Variants in ETV1 observed in about 807,000 individuals in gnomAD.
The protein encoded by ETV1 is ETS variant transcription factor 1.
Under a neutral mutation model 62.3 loss-of-function variants are expected in ETV1, and 27 were observed. That is an observed-to-expected ratio of 0.43 (90% CI 0.32 to 0.60). The LOEUF is 0.60. Ranked by LOEUF, ETV1 falls within the 20% of genes least tolerant of loss-of-function variation. The pLI is 0.06. For synonymous variants in ETV1, 222 were observed against 199.6 expected, an observed-to-expected ratio of 1.11 and a Z score of -0.94; for missense variants, 605 against 605.8, an observed-to-expected ratio of 1.00 and a Z score of 0.01.
intron 9 of ETV1, among the ~76,000 whole-genome samples, chr7:13,927,430 C>T (rs187004814): frequency 5.3e-5 from 8 of 152,230 alleles, no homozygotes; most frequent in Admixed American, 3.3e-4. Flanking sequence ...CCAGCCTGGG[C>T]GACAGGATGA....
intron 10 of ETV1, chr7:13,910,583 C>G (rs1783463003): frequency 3.7e-6 from 1 of 267,774 alleles, no homozygotes; most frequent in African/African-American, 2.3e-5. Flanking sequence ...AAGAATGCAT[C>G]CAAGTCAATC....
At chr7:13,931,864 G>T in intron 8 of ETV1, 115 bp from the exon 9 acceptor site, 1 of 1,259,826 alleles carries the variant, frequency 7.9e-7, no homozygotes, top group Non-Finnish European at 1.1e-6. Flanking sequence ...GACCTGAAGC[G>T]TAAATCTTTA....
intron 9 of ETV1, among the ~76,000 whole-genome samples, chr7:13,927,074 A>G (rs1785508951): frequency 6.6e-6 from 1 of 152,182 alleles, no homozygotes; most frequent in Non-Finnish European, 1.5e-5. Flanking sequence ...TATGGTGTAT[A>G]GAATTAAGCA....
intron 6 of ETV1, among the ~76,000 whole-genome samples, chr7:13,970,657 A>T (rs2128493029): frequency 6.6e-6 from 1 of 152,304 alleles, no homozygotes; most frequent in East Asian, 1.9e-4. Flanking sequence ...AAAAAACTTA[A>T]TCGGGCAAGA....
intron 10 of ETV1, 86 bp from the exon 11 acceptor site, chr7:13,909,786 T>C (rs1238850677): frequency 1.7e-6 from 2 of 1,153,322 alleles, no homozygotes; most frequent in Non-Finnish European, 2.6e-6. Flanking sequence ...ATAAAAATTG[T>C]GATAGAAAAT....
chr7:13,895,706 G>A lies in ETV1; in HGVS notation c.*160C>T. On this transcript the variant is annotated 3_prime_UTR_variant, in exon 14 of 14. Transcript: ENST00000430479. Reference sequence around the variant, plus strand: ...CCCTCAAATAAAGTGCACAGTCCATGGCAGACCATAGAATAATGCAACAGG... The same window carrying A: ...CCCTCAAATAAAGTGCACAGTCCATAGCAGACCATAGAATAATGCAACAGG... 2 of 631,078 alleles carry A rather than the reference G, an allele frequency of 3.2e-6. No homozygotes were observed. The highest frequency in any genetic ancestry group is 2.7e-5 in the East Asian group (1 of 36,634). 39.1% of individuals were successfully genotyped at this position (631,078 alleles called of 1,614,324 possible). A position where few individuals can be genotyped will look rare whatever the true frequency, so the allele number is the denominator to read the frequency against.
At chr7:13,973,808 G>T (rs1245143640) in intron 6 of ETV1, among the ~76,000 whole-genome samples, 1 of 151,936 alleles carries the variant, frequency 6.6e-6, no homozygotes, top group Admixed American at 6.6e-5. Context: ...AAAATATTTG[G>T]TTAAACTTTC....
Position 13,941,266 on chromosome 7 carries a change from T to C in ETV1, c.236-2020A>G, listed in dbSNP as rs139642283. Among the ~76,000 whole-genome samples the C allele has an allele frequency of 7.9e-5, 12 of 152,336 alleles. No individual in the cohort carries two copies. The East Asian group carries it at 2.3e-3, about 29-fold the overall frequency. On this transcript the variant is annotated intron_variant, in intron 6 of 13. Transcript: ENST00000430479. ...CAATAAATGACATTTTAGTATAGACTAGCTATTAGATAATTTAATGTCTGT... is the reference window on the plus strand; with the variant it reads ...CAATAAATGACATTTTAGTATAGACCAGCTATTAGATAATTTAATGTCTGT...
At chr7:13,976,196 T>C (rs1781436348) in intron 6 of ETV1, among the ~76,000 whole-genome samples, 2 of 152,208 alleles carry the variant, frequency 1.3e-5, no homozygotes, top group Admixed American at 1.3e-4. Context: ...ACAACAGTGG[T>C]TACCAGGGAC....
intron 5 of ETV1, among the ~76,000 whole-genome samples, chr7:13,983,621 C>CTTTTTTTTTTT (rs34955846): frequency 6.9e-6 from 1 of 144,828 alleles, no homozygotes; most frequent in Non-Finnish European, 1.5e-5. Flanking sequence ...TATTCCCTGA[C>CTTTTTTTTTTT]TTTTTTTTTT....
At chr7:13,942,735 G>C (rs542470607) in intron 6 of ETV1, among the ~76,000 whole-genome samples, 2 of 152,132 alleles carry the variant, frequency 1.3e-5, no homozygotes, top group Non-Finnish European at 2.9e-5. Flanking sequence ...AGGAATTCAA[G>C]TAACAAATCA....
intron 7 of ETV1, among the ~76,000 whole-genome samples, chr7:13,938,490 T>C (rs770376443): frequency 1.3e-5 from 2 of 152,232 alleles, no homozygotes; most frequent in Non-Finnish European, 2.9e-5. Flanking sequence ...TTTTTCTTTA[T>C]GCAATTAAAG....
intron 11 of ETV1, 107 bp from the exon 12 acceptor site, chr7:13,906,706 T>A: frequency 1.5e-6 from 1 of 685,174 alleles, no homozygotes; most frequent in Non-Finnish European, 2.3e-6. Context: ...ATCAACCACT[T>A]TATGGGCATT....
chr7:13,930,345 G>T (rs1395355858), intron 9 of ETV1, among the ~76,000 whole-genome samples: 1 of 151,900 alleles, frequency 6.6e-6, no homozygotes, highest in Non-Finnish European at 1.5e-5. Context: ...TTTTTGAGAC[G>T]GAGTCTTACT....
intron 13 of ETV1, among the ~76,000 whole-genome samples, chr7:13,896,743 GGAAAGAAAGAAA>G (rs10694579): frequency 1.9e-3 from 217 of 115,346 alleles, no homozygotes; most frequent in African/African-American, 5.1e-3. Flanking sequence ...AAGAAAGAAA[GGAAAGAAAGAAA>G]GAAAGAAAGA....
chr7:13,932,718 T>G (rs1786334311), intron 8 of ETV1, among the ~76,000 whole-genome samples: 2 of 152,166 alleles, frequency 1.3e-5, no homozygotes, highest in African/African-American at 4.8e-5. Context: ...TTAAAAGTGC[T>G]CTAAAAATGC....
intron 8 of ETV1, among the ~76,000 whole-genome samples, chr7:13,932,231 C>A (rs1281353982): frequency 1.3e-5 from 2 of 152,062 alleles, no homozygotes; most frequent in Non-Finnish European, 2.9e-5. Context: ...ACCAACCAAC[C>A]AAAAACCTGC....
At chr7:13,903,479 C>T (rs921676902) in intron 12 of ETV1, among the ~76,000 whole-genome samples, 2 of 151,774 alleles carry the variant, frequency 1.3e-5, no homozygotes, top group African/African-American at 4.8e-5. Context: ...TAATTGTTTC[C>T]CGGCCGGGCA....
In ETV1 at chr7:13,895,834, C is replaced by T. The variant is rs752758998; in HGVS notation, c.*32G>A. Reference sequence around the variant, plus strand: ...TGTATCTTGCAGAAAAAAGGAAAAGCGCAAAAACGCCCTGCTTGACTGTCA... The same window carrying T: ...TGTATCTTGCAGAAAAAAGGAAAAGTGCAAAAACGCCCTGCTTGACTGTCA... On this transcript the variant is annotated 3_prime_UTR_variant, in exon 14 of 14. Coordinates refer to ENST00000430479, the MANE Select transcript of ETV1 (RefSeq NM_004956.5). The T allele has an allele frequency of 7.2e-6, 11 of 1,517,804 alleles. No homozygotes were observed. The highest frequency in any genetic ancestry group is 4.6e-5 in the East Asian group (2 of 43,806). 94.0% of individuals were successfully genotyped at this position (1,517,804 alleles called of 1,614,324 possible).
Sources: allele counts gnomAD v4.1 joint callset (sites outside exome capture counted in the v4.1 genomes callset), GRCh38; gene constraint gnomAD v4.1.1; transcripts MANE v1.5; gene names NCBI Gene and HGNC (gene_info 2026-07-23, HGNC 2026-07-21).